The following TASP1 variants were observed in gnomAD, a reference collection of about 807,000 sequenced individuals.
TASP1 encodes taspase 1.
TASP1 carries 16 observed loss-of-function variants against 56.6 expected under a neutral mutation model. The observed-to-expected ratio is 0.28, with a 90% CI of 0.19 to 0.43. The LOEUF (loss-of-function observed/expected upper bound fraction) is 0.43. Among genes scored for constraint, TASP1 ranks in the 20% least tolerant of loss-of-function variants. TASP1 has a pLI of 1.00. For synonymous variants in TASP1, 179 were observed against 184.2 expected, an observed-to-expected ratio of 0.97 and a Z score of 0.23; for missense variants, 393 against 511.6, an observed-to-expected ratio of 0.77 and a Z score of 2.24.
chr20:13,380,470 G>A, the TASP1 span, among the ~76,000 whole-genome samples: 75 of 152,214 alleles, frequency 4.9e-4, no homozygotes, highest in East Asian at 3.1e-3. Flanking sequence ...AGGGGCACCC[G>A]CCAGATGCCA....
chr20:13,226,860 G>A, the TASP1 span, among the ~76,000 whole-genome samples: 2 of 152,196 alleles, frequency 1.3e-5, no homozygotes, highest in Non-Finnish European at 2.9e-5. Flanking sequence ...GATTCTAGTG[G>A]ACAAGAAATA....
chr20:13,484,890 A>T (rs2043268992), intron 10 of TASP1, among the ~76,000 whole-genome samples: 1 of 152,182 alleles, frequency 6.6e-6, no homozygotes, highest in Non-Finnish European at 1.5e-5. Context: ...ACAGAAAACT[A>T]AGCACTGCAT....
chr20:13,446,789 T>C (rs1045999684), intron 11 of TASP1, among the ~76,000 whole-genome samples: 1 of 152,156 alleles, frequency 6.6e-6, no homozygotes, highest in Non-Finnish European at 1.5e-5. Context: ...TCATGTCATA[T>C]AAACTATTCT....
chr20:13,327,704 G>A, the TASP1 span, among the ~76,000 whole-genome samples: 36 of 152,234 alleles, frequency 2.4e-4, no homozygotes, highest in African/African-American at 7.9e-4. Context: ...CAAGCAATGG[G>A]GAAATGACTC....
the TASP1 span, among the ~76,000 whole-genome samples, chr20:13,307,712 T>A: frequency 1.4e-4 from 22 of 152,246 alleles, no homozygotes; most frequent in Non-Finnish European, 2.9e-4. Flanking sequence ...AGGTCTGGCA[T>A]ATTTTGCTCA....
chr20:13,214,973 A>G, the TASP1 span, among the ~76,000 whole-genome samples: 1 of 152,262 alleles, frequency 6.6e-6, no homozygotes, highest in South Asian at 2.1e-4. Context: ...GAGAGAAGTC[A>G]GAATATTGGT....
At chr20:13,629,819 T>C in intron 2 of TASP1, 115 bp downstream of exon 2, 2 of 1,485,250 alleles carry the variant, frequency 1.3e-6, no homozygotes, top group Non-Finnish European at 1.8e-6. Flanking sequence ...TGCTTCCAAT[T>C]CCTCTCTGGC....
the TASP1 span, chr20:13,159,938 T>C: frequency 6.9e-7 from 1 of 1,439,488 alleles, no homozygotes; most frequent in Non-Finnish European, 9.2e-7. Context: ...TCCTTTTTTG[T>C]CAGGATAATT....
At chr20:13,236,761 A>G in the TASP1 span, among the ~76,000 whole-genome samples, 1 of 152,258 alleles carries the variant, frequency 6.6e-6, no homozygotes, top group Admixed American at 6.5e-5. Context: ...GAAATCCAGC[A>G]GGGCAGTTAA....
chr20:13,305,693 C>T, the TASP1 span, among the ~76,000 whole-genome samples: 1 of 152,004 alleles, frequency 6.6e-6, no homozygotes, highest in Non-Finnish European at 1.5e-5. Context: ...TTTTCTGAGG[C>T]TTAGTATTGG....
intron 11 of TASP1, among the ~76,000 whole-genome samples, chr20:13,470,183 C>T (rs1005127423): frequency 6.6e-6 from 1 of 152,068 alleles, no homozygotes; most frequent in African/African-American, 2.4e-5. Context: ...TCTTCAACCT[C>T]CTGACATTCT....
the TASP1 span, among the ~76,000 whole-genome samples, chr20:13,130,378 G>A: frequency 5.2e-3 from 785 of 152,292 alleles, 12 homozygotes; most frequent in South Asian, 0.055. Flanking sequence ...TGTGATTGGA[G>A]CCTTTCAAGG....
the TASP1 span, among the ~76,000 whole-genome samples, chr20:13,380,287 G>C: frequency 3.3e-5 from 5 of 152,168 alleles, no homozygotes; most frequent in Non-Finnish European, 7.4e-5. Flanking sequence ...TGGTGTTAAT[G>C]CTATTCCTTT....
At chr20:13,366,762 T>C in the TASP1 span, among the ~76,000 whole-genome samples, 2 of 152,168 alleles carry the variant, frequency 1.3e-5, no homozygotes, top group African/African-American at 4.8e-5. Flanking sequence ...CGACAAAAGA[T>C]GGGATCCAGA....
chr20:13,365,418 T>C, the TASP1 span, among the ~76,000 whole-genome samples: 12 of 152,220 alleles, frequency 7.9e-5, no homozygotes, highest in Admixed American at 2.0e-4. Flanking sequence ...AGTGCCATAA[T>C]AAAAAGTAAA....
intron 10 of TASP1, among the ~76,000 whole-genome samples, chr20:13,518,298 G>A (rs187322250): frequency 2.6e-5 from 4 of 152,192 alleles, no homozygotes; most frequent in Admixed American, 2.6e-4. Flanking sequence ...GTCACCAACA[G>A]GACTAAGAGC....
the TASP1 span, among the ~76,000 whole-genome samples, chr20:13,342,015 T>C: frequency 6.6e-6 from 1 of 152,242 alleles, no homozygotes; most frequent in African/African-American, 2.4e-5. Flanking sequence ...CACATGTTCA[T>C]TTCTGCCACA....
chr20:13,163,350 A>G, the TASP1 span, among the ~76,000 whole-genome samples: 2 of 147,608 alleles, frequency 1.4e-5, no homozygotes, highest in African/African-American at 5.0e-5. Flanking sequence ...CCTGGGCAAC[A>G]GAGTGAGACG....
chr20:13,130,218 C>T, the TASP1 span, among the ~76,000 whole-genome samples: 25 of 152,168 alleles, frequency 1.6e-4, no homozygotes, highest in Non-Finnish European at 3.7e-4. Flanking sequence ...ATTGCATTAG[C>T]TCACCCCTTT....
Sources: allele counts gnomAD v4.1 joint callset (sites outside exome capture counted in the v4.1 genomes callset), GRCh38; gene constraint gnomAD v4.1.1; transcripts MANE v1.5; gene names NCBI Gene and HGNC (gene_info 2026-07-23, HGNC 2026-07-21).